The following FCGR2A variants were observed in gnomAD, a reference collection of about 807,000 sequenced individuals.
FCGR2A encodes low affinity immunoglobulin gamma Fc region receptor II-a.
Under a neutral mutation model 29.3 loss-of-function variants are expected in FCGR2A, and 18 were observed. That is an observed-to-expected ratio of 0.62 (90% confidence interval 0.43 to 0.91). The LOEUF (loss-of-function observed/expected upper bound fraction) is 0.91. FCGR2A is among the 40% of genes least tolerant of loss of function. The pLI is 0.00. For missense variants in FCGR2A, 287 were observed against 393.0 expected (o/e 0.73, Z 2.28); for synonymous variants, 126 against 144.8 (o/e 0.87, Z 0.93).
intron 3 of FCGR2A, among the ~76,000 whole-genome samples, chr1:161,509,385 G>A: frequency 6.6e-6 from 1 of 151,894 alleles, no homozygotes. Context: ...GAAAAAAGGG[G>A]GGAAGAAGGC....
Position 161,506,314 on chromosome 1 carries a change from C to T in FCGR2A, c.107-20C>T, listed in dbSNP as rs754391547. On this transcript the variant is annotated intron_variant, in intron 2 of 6. Coordinates refer to ENST00000271450, the MANE Select transcript of FCGR2A (RefSeq NM_001136219.3). ...CTTCAGGGTTATTTATTCCACACCC[C>T]TTTCCACTCTGCCCCTCAGCAGCTC... 3.7e-6 allele frequency: 6 copies of T among 1,613,966 alleles called. No homozygotes were observed. Among genetic ancestry groups the T allele is most frequent in the Middle Eastern group, 3.3e-4 (2 of 6,052 alleles).
chr1:161,514,652 GTTTA>G (rs1362903259), intron 6 of FCGR2A: 1 of 152,648 alleles, frequency 6.6e-6, no homozygotes, highest in East Asian at 2.0e-4. Flanking sequence ...AGCTCTCTGA[GTTTA>G]TTTGAGTAAT....
chr1:161,515,634 G>C (rs550477210), intron 6 of FCGR2A, among the ~76,000 whole-genome samples: 157 of 151,714 alleles, frequency 1.0e-3, no homozygotes, highest in Non-Finnish European at 4.4e-4. Context: ...TCATCAAAAA[G>C]AAAAAAGGAG....
At chr1:161,522,933 G>A (rs1676511945), downstream of FCGR2A, 1 of 151,926 alleles carries the variant, frequency 6.6e-6, no homozygotes, top group Non-Finnish European at 1.5e-5. Context: ...AAAGTCCCTT[G>A]AACTTCCTAG....
intron 6 of FCGR2A, among the ~76,000 whole-genome samples, chr1:161,515,470 T>C (rs1480009886): frequency 6.6e-6 from 1 of 152,106 alleles, no homozygotes; most frequent in Admixed American, 6.5e-5. Context: ...GTCTCGTTAG[T>C]CACTCATTTA....
At chr1:161,511,327 G>C (rs1323720933) in intron 5 of FCGR2A, among the ~76,000 whole-genome samples, 1 of 152,114 alleles carries the variant, frequency 6.6e-6, no homozygotes, top group Non-Finnish European at 1.5e-5. Context: ...TTATATGAGG[G>C]GGGAGTAGAT....
chr1:161,523,811 G>A (rs1006012126), downstream of FCGR2A: 9 of 151,730 alleles, frequency 5.9e-5, no homozygotes, highest in African/African-American at 2.2e-4. Context: ...TCCTAGATGA[G>A]AAAAAGAATT....
chr1:161,507,370 T>G (rs1173123458), intron 3 of FCGR2A, among the ~76,000 whole-genome samples: 7 of 152,206 alleles, frequency 4.6e-5, no homozygotes, highest in African/African-American at 1.7e-4. Context: ...TGATCTTCCC[T>G]CCTCAGGCTC....
intron 5 of FCGR2A, among the ~76,000 whole-genome samples, chr1:161,512,048 A>G (rs1045611636): frequency 1.3e-5 from 2 of 152,174 alleles, no homozygotes; most frequent in African/African-American, 4.8e-5. Flanking sequence ...CCAGATACAG[A>G]GGAGAGGGCG....
At chr1:161,521,493 A>C (rs1179409619), downstream of FCGR2A, among the ~76,000 whole-genome samples, 1 of 76,402 alleles carries the variant, frequency 1.3e-5, no homozygotes, top group African/African-American at 5.4e-5. Context: ...AGTGGATGTC[A>C]CTGACTTTTA....
intron 3 of FCGR2A, among the ~76,000 whole-genome samples, chr1:161,508,308 G>A (rs1251143269): frequency 2.7e-5 from 4 of 148,612 alleles, no homozygotes; most frequent in African/African-American, 9.9e-5. Flanking sequence ...TTTTTTTTTG[G>A]CCAGGCACAG....
At chr1:161,506,201 C>T (rs1208413189) in intron 2 of FCGR2A, 133 bp from the exon 3 acceptor site, 5 of 1,347,588 alleles carry the variant, frequency 3.7e-6, no homozygotes, top group Non-Finnish European at 5.2e-6. Flanking sequence ...GGAATGAGGC[C>T]GCTGCAAGTA....
chr1:161,523,183 G>A (rs1210499191), downstream of FCGR2A: 2 of 152,164 alleles, frequency 1.3e-5, no homozygotes, highest in African/African-American at 4.8e-5. Context: ...TGCCTGTCAT[G>A]CGTGAGAGAG....
chr1:161,521,421 T>C (rs1676444279), downstream of FCGR2A, among the ~76,000 whole-genome samples: 1 of 151,906 alleles, frequency 6.6e-6, no homozygotes, highest in South Asian at 2.1e-4. Context: ...AATCTCTTCA[T>C]TTTAAAACGG....
chr1:161,506,347 G>T lies in FCGR2A; in HGVS notation c.120G>T (p.Lys40Asn), dbSNP rs1034245666. Residue 40 changes from lysine (K) to asparagine (N), a missense_variant, in exon 3 of 7, where the codon AAG (lysine) becomes AAT (asparagine). Physicochemically the swap from Lys to Asn is moderately conservative, Grantham distance 94 (BLOSUM62 0). Around this residue, in one of 3 missense-constraint regions of FCGR2A, gnomAD observed 181 missense variants for 250.9 expected, o/e 0.72. Coordinates refer to ENST00000271450, the MANE Select transcript of FCGR2A (RefSeq NM_001136219.3). Reference sequence around the variant, plus strand: ...TCTGCCCCTCAGCAGCTCCCCCAAAGGCTGTGCTGAAACTTGAGCCCCCGT... The same window carrying T: ...TCTGCCCCTCAGCAGCTCCCCCAAATGCTGTGCTGAAACTTGAGCCCCCGT... Reference protein sequence around the residue: ...SADSQAAAPPKAVLKLEPPWI... With the variant: ...SADSQAAAPPNAVLKLEPPWI... The T allele has an allele frequency of 1.9e-6, 3 of 1,614,190 alleles. No homozygotes were observed. Among genetic ancestry groups the T allele is most frequent in the African/African-American group, 2.7e-5 (2 of 75,046 alleles).
downstream of FCGR2A, among the ~76,000 whole-genome samples, chr1:161,520,870 C>T (rs1051377005): frequency 1.3e-5 from 2 of 152,032 alleles, no homozygotes; most frequent in Non-Finnish European, 2.9e-5. Flanking sequence ...CAGGATGCTA[C>T]AGGATCTTGC....
downstream of FCGR2A, chr1:161,523,931 A>T (rs142787043): frequency 6.6e-6 from 1 of 152,296 alleles, no homozygotes; most frequent in Non-Finnish European, 1.5e-5. Context: ...TGTCAGCTAA[A>T]GACCTGCAGT....
intron 5 of FCGR2A, among the ~76,000 whole-genome samples, chr1:161,511,245 G>C (rs1424435795): frequency 6.6e-6 from 1 of 152,192 alleles, no homozygotes; most frequent in East Asian, 1.9e-4. Context: ...TGGTATGTGA[G>C]GGCAGCGCTT....
In FCGR2A at chr1:161,519,181, A is replaced by G. The variant is rs575331429; in HGVS notation, c.*1033A>G. 59 of 153,704 alleles carry G rather than the reference A, an allele frequency of 3.8e-4. No individual in the cohort carries two copies. Among genetic ancestry groups the G allele is most frequent in the African/African-American group, 1.3e-3 (55 of 41,548 alleles). The allele number at this position is 153,704 out of a possible 1,614,324, so 9.5% of individuals were successfully genotyped here. ...AAGACGAAGGGATGCTGCAGTTCCA[A>G]AAGAGAAGGACTCTTCCAGAGTCAT... On this transcript the variant is annotated 3_prime_UTR_variant, in exon 7 of 7. Transcript: ENST00000271450.
Sources: allele counts gnomAD v4.1 joint callset (sites outside exome capture counted in the v4.1 genomes callset), GRCh38; gene constraint gnomAD v4.1.1; regional missense constraint gnomAD v4.1.1; transcripts MANE v1.5; gene names NCBI Gene and HGNC (gene_info 2026-07-23, HGNC 2026-07-21).